The following RTKN2 variants were observed in gnomAD, a reference collection of about 807,000 sequenced individuals.
The protein encoded by RTKN2 is rhotekin 2.
In RTKN2, 69 loss-of-function variants were observed where a neutral mutation model predicts 71.5. The observed-to-expected ratio is 0.96, with a 90% CI of 0.79 to 1.18. The LOEUF is 1.18. Among genes scored for constraint, RTKN2 ranks in the 50% most tolerant of loss-of-function variants. The probability of loss-of-function intolerance (pLI) is 0.00; values close to 1 mark genes in which losing one functional copy is unlikely to be tolerated. For synonymous variants in RTKN2, 236 were observed against 236.5 expected, an observed-to-expected ratio of 1.00 and a Z score of 0.02; for missense variants, 724 against 719.7, an observed-to-expected ratio of 1.01 and a Z score of -0.07.
At chr10:62,262,943 T>C (rs922271502) in intron 1 of RTKN2, 122 bp from the exon 2 acceptor site, 30 of 570,694 alleles carry the variant, frequency 5.3e-5, no homozygotes, top group African/African-American at 5.1e-4. Context: ...AGTTTTAATA[T>C]ATGTAGTGTA....
chr10:62,246,084 A>G, intron 2 of RTKN2, 27 bp from the exon 3 acceptor site: 1 of 1,455,198 alleles, frequency 6.9e-7, no homozygotes, highest in Non-Finnish European at 9.5e-7. Flanking sequence ...ACTTATGGAA[A>G]AAAGATCTTT....
chr10:62,254,407 C>T (rs1288868501), intron 2 of RTKN2, among the ~76,000 whole-genome samples: 1 of 152,140 alleles, frequency 6.6e-6, no homozygotes, highest in African/African-American at 2.4e-5. Flanking sequence ...CTCAGGCCTC[C>T]AAGCCATGCT....
exon 9 of RTKN2, chr10:62,184,325 T>C (rs1301924790): frequency 1.8e-5 from 27 of 1,532,896 alleles, no homozygotes; most frequent in South Asian, 2.4e-5. Context: ...TGAGAAGCTA[T>C]GTGAAGAGGA....
At chr10:62,239,891 C>A in intron 4 of RTKN2, 126 bp from the exon 5 acceptor site, 1 of 599,892 alleles carries the variant, frequency 1.7e-6, no homozygotes. Context: ...TATACTGTAA[C>A]CCTTAAGTCT....
intron 2 of RTKN2, among the ~76,000 whole-genome samples, chr10:62,254,290 T>C (rs1326898071): frequency 6.6e-6 from 1 of 152,062 alleles, no homozygotes; most frequent in African/African-American, 2.4e-5. Context: ...AGAGATCTGG[T>C]TGTTTAAAAG....
chr10:62,219,315 ATAT>A (rs1564509325), intron 7 of RTKN2, among the ~76,000 whole-genome samples: 1 of 151,952 alleles, frequency 6.6e-6, no homozygotes, highest in Non-Finnish European at 1.5e-5. Context: ...GGTAAAAGAG[ATAT>A]GCCTGGGAAG....
At position 62,241,018 on chromosome 10, in the gene RTKN2, G is replaced by A. The variant is rs114464325; in HGVS notation, c.370+124C>T. 1,486 of 588,764 alleles carry A rather than the reference G, an allele frequency of 2.5e-3. 19 individuals carry two copies. In the African/African-American group the frequency reaches 0.026, roughly 10 times the overall value. The allele number at this position is 588,764 out of a possible 1,614,324, so 36.5% of individuals were successfully genotyped here. On this transcript the variant is annotated intron_variant, in intron 4 of 11. Transcript: ENST00000373789. ...TATTAAAAATCAGAAAACAGTTCAAGATGCTGCTTATTCTTTCAAATGACA... is the reference window on the plus strand; with the variant it reads ...TATTAAAAATCAGAAAACAGTTCAAAATGCTGCTTATTCTTTCAAATGACA...
At chr10:62,187,783 G>A (rs1222670305) in intron 8 of RTKN2, among the ~76,000 whole-genome samples, 1 of 152,114 alleles carries the variant, frequency 6.6e-6, no homozygotes, top group Admixed American at 6.5e-5. Flanking sequence ...TCTTCTTCTA[G>A]ATACAATTTA....
intron 2 of RTKN2, among the ~76,000 whole-genome samples, chr10:62,247,494 G>C (rs1372567663): frequency 6.6e-6 from 1 of 151,744 alleles, no homozygotes; most frequent in Non-Finnish European, 1.5e-5. Context: ...GGCCATATCT[G>C]GTATTAAAAC....
Position 62,196,664 on chromosome 10 carries a change from T to G in RTKN2, c.*1244A>C. 1 of 985,164 alleles carries G rather than the reference T, an allele frequency of 1.0e-6. No individual in the cohort carries two copies. The highest frequency in any genetic ancestry group is 1.1e-4 in the East Asian group (1 of 8,822). The allele number at this position is 985,164 out of a possible 1,614,324, so 61.0% of individuals were successfully genotyped here. On this transcript the variant is annotated 3_prime_UTR_variant, in exon 12 of 12. Transcript: ENST00000373789. ...GGGCAGCAATTTAATTCTTAAATTT[T>G]TATTTCTTGCAATGACATTTAGGGT...
At chr10:62,234,266 T>C (rs1258727344) in intron 6 of RTKN2, among the ~76,000 whole-genome samples, 1 of 152,086 alleles carries the variant, frequency 6.6e-6, no homozygotes, top group Non-Finnish European at 1.5e-5. Flanking sequence ...GCCTCATACC[T>C]GTAATCCCAG....
At chr10:62,192,627 A>G (rs1841240459), downstream of RTKN2, among the ~76,000 whole-genome samples, 1 of 152,224 alleles carries the variant, frequency 6.6e-6, no homozygotes, top group Non-Finnish European at 1.5e-5. Context: ...AGCAGCTGAA[A>G]TAGTCAGAGA....
chr10:62,213,082 A>C (rs1841695197), intron 9 of RTKN2, among the ~76,000 whole-genome samples: 1 of 152,222 alleles, frequency 6.6e-6, no homozygotes, highest in Non-Finnish European at 1.5e-5. Flanking sequence ...ACTTCTTTAC[A>C]AAAAGAATGC....
chr10:62,246,277 T>C (rs1185029872), intron 2 of RTKN2, among the ~76,000 whole-genome samples: 1 of 152,104 alleles, frequency 6.6e-6, no homozygotes, highest in African/African-American at 2.4e-5. Context: ...CATATAAACT[T>C]TATATTCCTT....
chr10:62,231,401 A>G (rs1842146099), intron 6 of RTKN2, among the ~76,000 whole-genome samples: 1 of 152,216 alleles, frequency 6.6e-6, no homozygotes, highest in Non-Finnish European at 1.5e-5. Context: ...CTTACTAAAA[A>G]TTACCAAAAA....
chr10:62,217,310 A>T (rs1432414), intron 8 of RTKN2, 61 bp from the exon 9 acceptor site: 887,155 of 1,167,720 alleles, frequency 0.76, 338,423 homozygotes, highest in East Asian at 0.91. Flanking sequence ...CACTTTAAAT[A>T]CATCAAAATA....
rs1358031544 is a variant in RTKN2 at position 62,197,529 on chromosome 10, A to T, written c.*379T>A. 1 of 990,812 alleles carries T rather than the reference A, an allele frequency of 1.0e-6. No individual in the cohort carries two copies. The highest frequency in any genetic ancestry group is 1.7e-5 in the African/African-American group (1 of 57,434). The allele number at this position is 990,812 out of a possible 1,614,324, so 61.4% of individuals were successfully genotyped here. A position where few individuals can be genotyped will look rare whatever the true frequency, so the allele number is the denominator to read the frequency against. On this transcript the variant is annotated 3_prime_UTR_variant, in exon 12 of 12. Transcript: ENST00000373789. ...TTCCATTAGTATTAAAATTCTCACAATGAGAATATGGTTCATATTTAACAC... is the reference window on the plus strand; with the variant it reads ...TTCCATTAGTATTAAAATTCTCACATTGAGAATATGGTTCATATTTAACAC...
intron 2 of RTKN2, among the ~76,000 whole-genome samples, chr10:62,252,567 T>C (rs1842601581): frequency 6.6e-6 from 1 of 151,966 alleles, no homozygotes; most frequent in African/African-American, 2.4e-5. Flanking sequence ...AAGATTATTA[T>C]GTAAATATTA....
At chr10:62,185,212 A>C (rs74893416) in intron 8 of RTKN2, among the ~76,000 whole-genome samples, 18 of 151,858 alleles carry the variant, frequency 1.2e-4, no homozygotes, top group Admixed American at 1.2e-3. Context: ...AAAAAAAAAA[A>C]CCCTCATAAT....
Sources: allele counts gnomAD v4.1 joint callset (sites outside exome capture counted in the v4.1 genomes callset), GRCh38; gene constraint gnomAD v4.1.1; transcripts MANE v1.5; gene names NCBI Gene and HGNC (gene_info 2026-07-23, HGNC 2026-07-21).